The following TMEM117 variants were observed in gnomAD, a reference collection of about 807,000 sequenced individuals.
TMEM117 encodes the protein transmembrane protein 117.
A neutral mutation model predicts 52.4 loss-of-function variants in TMEM117; 27 were observed. The ratio of observed to expected loss-of-function variants is 0.51; its 90% CI spans 0.38 to 0.71. TMEM117 has a LOEUF of 0.71. TMEM117 is among the 30% of genes least tolerant of loss of function. The probability of loss-of-function intolerance (pLI) is 0.00; values close to 1 mark genes in which losing one functional copy is unlikely to be tolerated. For synonymous variants in TMEM117, 215 were observed against 206.3 expected, an observed-to-expected ratio of 1.04 and a Z score of -0.36; for missense variants, 556 against 630.5, an observed-to-expected ratio of 0.88 and a Z score of 1.26.
chr12:43,922,848 C>G (rs1249242739), intron 2 of TMEM117, among the ~76,000 whole-genome samples: 3 of 152,044 alleles, frequency 2.0e-5, no homozygotes, highest in Non-Finnish European at 4.4e-5. Context: ...TTTTCTCAGC[C>G]TATGTTTTAA....
At chr12:43,969,258 T>TGCC (rs1229690524) in intron 3 of TMEM117, among the ~76,000 whole-genome samples, 1 of 150,210 alleles carries the variant, frequency 6.7e-6, no homozygotes, top group Non-Finnish European at 1.5e-5. Flanking sequence ...CGGTGGCTCA[T>TGCC]GCCTGTAATC....
intron 3 of TMEM117, among the ~76,000 whole-genome samples, chr12:44,054,614 T>G (rs577105139): frequency 2.2e-4 from 34 of 152,298 alleles, no homozygotes; most frequent in African/African-American, 7.9e-4. Flanking sequence ...TTGTTCTCAT[T>G]TGGAGCACAA....
chr12:43,812,114 T>A, the TMEM117 span, among the ~76,000 whole-genome samples: 9 of 152,318 alleles, frequency 5.9e-5, no homozygotes, highest in African/African-American at 2.2e-4. Context: ...ATCTGTTGAG[T>A]AGCTTTGCTA....
chr12:43,805,955 G>C, the TMEM117 span: 11 of 1,540,020 alleles, frequency 7.1e-6, no homozygotes, highest in African/African-American at 1.5e-4. Flanking sequence ...CTTCAACCAG[G>C]CCGCCTCGAA....
At chr12:43,950,898 A>T (rs796801741) in intron 3 of TMEM117, among the ~76,000 whole-genome samples, 7 of 152,328 alleles carry the variant, frequency 4.6e-5, no homozygotes, top group African/African-American at 1.4e-4. Flanking sequence ...TGCAGCTCCC[A>T]GGGAGACCAA....
At chr12:43,830,437 T>C in the TMEM117 span, among the ~76,000 whole-genome samples, 1 of 151,248 alleles carries the variant, frequency 6.6e-6, no homozygotes, top group Non-Finnish European at 1.5e-5. Flanking sequence ...TGAAACCCCG[T>C]CTCTACTAAA....
chr12:44,283,958 A>G (rs1326336671), intron 5 of TMEM117, among the ~76,000 whole-genome samples: 1 of 151,976 alleles, frequency 6.6e-6, no homozygotes, highest in Non-Finnish European at 1.5e-5. Context: ...ACGAGATCTG[A>G]TGTGTTTATC....
intron 2 of TMEM117, among the ~76,000 whole-genome samples, chr12:43,857,458 G>A (rs1286409395): frequency 6.6e-6 from 1 of 150,602 alleles, no homozygotes; most frequent in Non-Finnish European, 1.5e-5. Flanking sequence ...TCACAAAGGG[G>A]GCTATCACAT....
chr12:43,819,307 T>C, the TMEM117 span, among the ~76,000 whole-genome samples: 172 of 152,336 alleles, frequency 1.1e-3, no homozygotes, highest in Middle Eastern at 3.4e-3. Context: ...TTATTGTAGA[T>C]CTTTCTGATT....
intron 6 of TMEM117, among the ~76,000 whole-genome samples, chr12:44,325,116 G>A (rs550751901): frequency 6.6e-6 from 1 of 152,234 alleles, no homozygotes; most frequent in South Asian, 2.1e-4. Context: ...ATTTTGACAT[G>A]CATTTCTTTA....
Position 43,910,596 on chromosome 12 carries a change from C to A in TMEM117, c.278-33614C>A, listed in dbSNP as rs143236544. On this transcript the variant is annotated intron_variant, in intron 2 of 7. Transcript: ENST00000266534. The stretch of plus-strand genomic sequence containing the variant: ...GACATGATTGTGTATCTAGAAAACC[C>A]CGTTGTCTCAGCCCAAAATCTCCTT... Among the ~76,000 whole-genome samples the A allele has an allele frequency of 1.5e-3, 227 of 152,004 alleles. 2 individuals are homozygous for A. The highest frequency in any genetic ancestry group is 5.0e-3 in the African/African-American group (207 of 41,448).
intron 3 of TMEM117, among the ~76,000 whole-genome samples, chr12:44,115,863 A>T (rs754023015): frequency 1.1e-4 from 17 of 152,204 alleles, no homozygotes; most frequent in Non-Finnish European, 2.4e-4. Context: ...ATACATGATA[A>T]AGTGCCTTCT....
chr12:44,105,627 C>G (rs938754568), intron 3 of TMEM117, among the ~76,000 whole-genome samples: 2 of 151,882 alleles, frequency 1.3e-5, no homozygotes, highest in African/African-American at 4.8e-5. Context: ...ATGGTTAGGT[C>G]TCAGTGTTTT....
chr12:43,978,846 G>C (rs1945714844), intron 3 of TMEM117, among the ~76,000 whole-genome samples: 1 of 151,890 alleles, frequency 6.6e-6, no homozygotes, highest in Non-Finnish European at 1.5e-5. Context: ...CCCGGTATGT[G>C]AGCAAAAATC....
chr12:44,200,042 C>T (rs1949473579), intron 4 of TMEM117, among the ~76,000 whole-genome samples: 2 of 152,136 alleles, frequency 1.3e-5, no homozygotes, highest in African/African-American at 2.4e-5. Context: ...CGGCTTGAAC[C>T]CTGGAGATGG....
the TMEM117 span, among the ~76,000 whole-genome samples, chr12:43,818,090 T>C: frequency 1.3e-5 from 2 of 152,218 alleles, no homozygotes; most frequent in Non-Finnish European, 2.9e-5. Flanking sequence ...TGTAGAATGT[T>C]AATTTAAGTC....
At chr12:44,013,549 G>T (rs188549599) in intron 3 of TMEM117, among the ~76,000 whole-genome samples, 2 of 152,134 alleles carry the variant, frequency 1.3e-5, no homozygotes, top group Non-Finnish European at 2.9e-5. Flanking sequence ...ATTTCAAATG[G>T]TTCCTCTTCC....
intron 6 of TMEM117, among the ~76,000 whole-genome samples, chr12:44,308,313 T>TATTC (rs1231441951): frequency 1.3e-5 from 2 of 152,204 alleles, no homozygotes; most frequent in African/African-American, 4.8e-5. Context: ...CCAATGAATG[T>TATTC]GCTTTTTCTT....
At chr12:44,379,973 C>T (rs1241216611) in intron 7 of TMEM117, among the ~76,000 whole-genome samples, 1 of 152,186 alleles carries the variant, frequency 6.6e-6, no homozygotes. Flanking sequence ...AGCCACACCT[C>T]CAGAATCTGA....
Sources: allele counts gnomAD v4.1 joint callset (sites outside exome capture counted in the v4.1 genomes callset), GRCh38; gene constraint gnomAD v4.1.1; transcripts MANE v1.5; gene names NCBI Gene and HGNC (gene_info 2026-07-23, HGNC 2026-07-21).